Variants in NF1 observed in about 807,000 individuals in gnomAD.
NF1 encodes neurofibromin 1, also known as neurofibromin.
A neutral mutation model predicts 325.7 loss-of-function variants in NF1; 122 were observed. That is an observed-to-expected ratio of 0.37 (90% CI 0.32 to 0.44). The LOEUF is 0.44. NF1 is among the 20% of genes least tolerant of loss of function. NF1 has a pLI of 1.00. For synonymous variants in NF1, 1,091 were observed against 1,186.0 expected, an observed-to-expected ratio of 0.92 and a Z score of 1.65; for missense variants, 2,140 against 3,415.4, an observed-to-expected ratio of 0.63 and a Z score of 9.31.
At position 31,335,014 on chromosome 17, in the gene NF1, T is replaced by A. The variant is rs1597840306; in HGVS notation, c.5989T>A (p.Trp1997Arg). The change falls in exon 40 of 58, where the codon TGG (tryptophan) becomes AGG (arginine). Residue 1997 changes from tryptophan (W) to arginine (R), a missense_variant. This residue lies in a region of NF1 where 180 missense variants were observed against 435.1 expected (regional missense o/e 0.41). Coordinates refer to ENST00000358273, the MANE Select transcript of NF1 (RefSeq NM_001042492.3). ...QMYPSIQAKI[W>R]GSLGQITDLL... ...GTACCCATCTATTCAAGCAAAAATA[T>A]GGGGAAGCCTTGGGCAGGTATTGAG... 1 of 1,612,554 alleles carries A rather than the reference T, an allele frequency of 6.2e-7. No individual in the cohort carries two copies. Among genetic ancestry groups the A allele is most frequent in the Non-Finnish European group, 8.5e-7 (1 of 1,179,754 alleles).
intron 15 of NF1, chr17:31,222,892 A>G (rs17879083): frequency 0.016 from 2,487 of 158,282 alleles, 81 homozygotes; most frequent in African/African-American, 0.056. Flanking sequence ...GGATCAGGAA[A>G]CTTTTCTCTA....
chr17:31,328,803 A>C (rs2151542980), intron 38 of NF1, among the ~76,000 whole-genome samples: 1 of 152,284 alleles, frequency 6.6e-6, no homozygotes, highest in African/African-American at 2.4e-5. Flanking sequence ...CCTTTACTTA[A>C]AGGGAAAAAG....
intron 36 of NF1, among the ~76,000 whole-genome samples, chr17:31,300,421 TA>T (rs1445441614): frequency 6.6e-6 from 1 of 152,142 alleles, no homozygotes; most frequent in Non-Finnish European, 1.5e-5. Context: ...TACTGTTAGA[TA>T]ACTTGTTCTT....
At chr17:31,297,614 G>A (rs1014453955) in intron 36 of NF1, 2 of 152,028 alleles carry the variant, frequency 1.3e-5, no homozygotes, top group South Asian at 4.2e-4. Context: ...CCTTCCTCAT[G>A]GATAGTTTTC....
intron 1 of NF1, among the ~76,000 whole-genome samples, chr17:31,102,882 A>T (rs556008754): frequency 2.0e-5 from 3 of 147,980 alleles, no homozygotes; most frequent in Non-Finnish European, 4.5e-5. Flanking sequence ...GTCTCGCTCT[A>T]TTGCCCAGGT....
intron 36 of NF1, among the ~76,000 whole-genome samples, chr17:31,274,770 C>T (rs532325120): frequency 4.7e-5 from 7 of 149,164 alleles, no homozygotes; most frequent in African/African-American, 7.7e-5. Context: ...AGTAATGTTT[C>T]GAACTTGAGC....
At chr17:31,195,326 T>G (rs988673846) in intron 8 of NF1, among the ~76,000 whole-genome samples, 2 of 152,156 alleles carry the variant, frequency 1.3e-5, no homozygotes, top group Non-Finnish European at 2.9e-5. Flanking sequence ...TAATCACCTT[T>G]TATTTGAGCT....
At chr17:31,130,464 G>A (rs1333780132) in intron 1 of NF1, among the ~76,000 whole-genome samples, 1 of 152,192 alleles carries the variant, frequency 6.6e-6, no homozygotes, top group South Asian at 2.1e-4. Flanking sequence ...GGCCAGGGCG[G>A]GGGGCTGCTG....
chr17:31,148,874 AAGTT>A (rs1916749453), intron 1 of NF1, among the ~76,000 whole-genome samples: 1 of 152,092 alleles, frequency 6.6e-6, no homozygotes, highest in Admixed American at 6.6e-5. Context: ...ATGTTTATGT[AAGTT>A]ACGTAGTTCT....
At chr17:31,238,761 A>G (rs1430061776) in intron 29 of NF1, among the ~76,000 whole-genome samples, 1 of 151,932 alleles carries the variant, frequency 6.6e-6, no homozygotes, top group African/African-American at 2.4e-5. Context: ...AACTCTTTGA[A>G]GGTCACACTT....
rs2070715231 is a variant in NF1 at position 31,375,239 on chromosome 17, C to A, written c.*1084C>A. 2 of 225,538 alleles carry A rather than the reference C, an allele frequency of 8.9e-6. No individual in the cohort carries two copies. The highest frequency in any genetic ancestry group is 5.7e-5 in the Admixed American group (1 of 17,518). 14.0% of individuals were successfully genotyped at this position (225,538 alleles called of 1,614,324 possible). ...AGAGTATGGTGTATATTATAAATTT[C>A]TTTGATAAGATGTATTTTGAATGTC... On this transcript the variant is annotated 3_prime_UTR_variant, in exon 58 of 58. Transcript: ENST00000358273.
intron 36 of NF1, among the ~76,000 whole-genome samples, chr17:31,319,837 A>G (rs898225793): frequency 2.6e-5 from 4 of 151,686 alleles, no homozygotes; most frequent in Admixed American, 2.0e-4. Context: ...TTAAAGCATC[A>G]TTTATACCTA....
At chr17:31,288,521 T>C (rs1200422720) in intron 36 of NF1, among the ~76,000 whole-genome samples, 1 of 107,510 alleles carries the variant, frequency 9.3e-6, no homozygotes, top group African/African-American at 6.6e-5. Context: ...TTTTTTGCTT[T>C]GTTTTTTTTT....
intron 1 of NF1, among the ~76,000 whole-genome samples, chr17:31,097,429 G>T (rs1164545157): frequency 7.3e-6 from 1 of 137,042 alleles, no homozygotes; most frequent in African/African-American, 2.7e-5. Context: ...CTGCACTCTA[G>T]CCTGGGCGAC....
chr17:31,261,943 GA>G, intron 35 of NF1, 86 bp downstream of exon 35: 1 of 1,322,774 alleles, frequency 7.6e-7, no homozygotes, highest in African/African-American at 1.5e-5. Context: ...AGATATGATA[GA>G]AGACTATGAG....
At chr17:31,148,527 C>G (rs754739924) in intron 1 of NF1, among the ~76,000 whole-genome samples, 10 of 151,682 alleles carry the variant, frequency 6.6e-5, no homozygotes, top group Non-Finnish European at 1.3e-4. Flanking sequence ...TTAGTCATTA[C>G]TATGGGATTG....
intron 36 of NF1, among the ~76,000 whole-genome samples, chr17:31,313,722 A>ATG (rs60267436): frequency 0.031 from 4,340 of 138,968 alleles, 58 homozygotes; most frequent in Middle Eastern, 0.05. Flanking sequence ...AAAAAAAAAT[A>ATG]TGTGTGTGTG....
intron 5 of NF1, among the ~76,000 whole-genome samples, chr17:31,176,176 C>T (rs2066020061): frequency 1.3e-5 from 2 of 152,214 alleles, no homozygotes; most frequent in South Asian, 4.1e-4. Flanking sequence ...ACATTCTCTC[C>T]AGCATCTTTT....
chr17:31,257,207 CT>C (rs972822848), intron 31 of NF1, among the ~76,000 whole-genome samples: 1 of 152,112 alleles, frequency 6.6e-6, no homozygotes, highest in Non-Finnish European at 1.5e-5. Flanking sequence ...TCTGGGTCCC[CT>C]CCCACCAATA....
Sources: gnomAD v4.1 joint callset for allele counts (sites outside exome capture counted in the v4.1 genomes callset) on GRCh38, gnomAD v4.1.1 for gene constraint, gnomAD v4.1.1 regional missense constraint, MANE v1.5 for transcripts, NCBI Gene and HGNC (gene_info 2026-07-23, HGNC 2026-07-21) for gene names.